CFAP161: variants seen among roughly 807,000 people sequenced by gnomAD.
CFAP161 encodes cilia- and flagella-associated protein 161.
CFAP161 carries 25 observed loss-of-function variants against 29.0 expected under a neutral mutation model. The observed-to-expected ratio is 0.86, with a 90% confidence interval of 0.63 to 1.20. The LOEUF (loss-of-function observed/expected upper bound fraction) is 1.20, where lower values mean the gene tolerates loss of function less well. Among genes scored for constraint, CFAP161 ranks in the 50% most tolerant of loss-of-function variants. The pLI, the probability that CFAP161 is intolerant of heterozygous loss-of-function variation, is 0.00. For synonymous variants in CFAP161, 116 were observed against 137.4 expected (o/e 0.84, Z 1.09); for missense variants, 367 against 371.9 (o/e 0.99, Z 0.11).
At chr15:81,133,221 ATATGTATTTT>A (rs1309267136), upstream of CFAP161, among the ~76,000 whole-genome samples, 481 of 32,470 alleles carry the variant, frequency 0.015, 28 homozygotes, top group Middle Eastern at 0.038. Flanking sequence ...ATATATATAT[ATATGTATTTT>A]TTTTTAAATT....
chr15:81,118,572 C>T (rs111240235), intron 1 of CFAP161, among the ~76,000 whole-genome samples: 4,408 of 152,316 alleles, frequency 0.029, 187 homozygotes, highest in African/African-American at 0.097. Context: ...CCGCGCTAGT[C>T]CGCGGGGGGC....
chr15:81,102,708 G>A (rs1336885184), intron 1 of CFAP161, among the ~76,000 whole-genome samples: 1 of 152,156 alleles, frequency 6.6e-6, no homozygotes, highest in Non-Finnish European at 1.5e-5. Flanking sequence ...TTATAGATAT[G>A]TGTATTTCTT....
upstream of CFAP161, among the ~76,000 whole-genome samples, chr15:81,132,558 AT>A (rs1242233212): frequency 2.0e-5 from 3 of 152,178 alleles, no homozygotes; most frequent in African/African-American, 7.2e-5. Context: ...ATTTAAAGCA[AT>A]TGTATAAAAC....
chr15:81,133,626 G>A (rs1007377864), upstream of CFAP161, among the ~76,000 whole-genome samples: 1 of 147,822 alleles, frequency 6.8e-6, no homozygotes, highest in Non-Finnish European at 1.5e-5. Flanking sequence ...GCAGAGTCTG[G>A]TTTTCTTAAG....
At chr15:81,103,487 C>CA (rs891748520) in intron 1 of CFAP161, among the ~76,000 whole-genome samples, 3 of 151,204 alleles carry the variant, frequency 2.0e-5, no homozygotes, top group African/African-American at 4.9e-5. Context: ...AAGAGGAAAA[C>CA]AAAAAAAACC....
intron 1 of CFAP161, among the ~76,000 whole-genome samples, chr15:81,104,466 G>A (rs982647163): frequency 2.6e-5 from 4 of 152,174 alleles, no homozygotes; most frequent in African/African-American, 2.4e-5. Flanking sequence ...AAGACAGCAA[G>A]TATTCCACAA....
intron 1 of CFAP161, among the ~76,000 whole-genome samples, chr15:81,126,872 T>C (rs1416278006): frequency 6.6e-6 from 1 of 152,206 alleles, no homozygotes; most frequent in Non-Finnish European, 1.5e-5. Context: ...CCATAAGTGG[T>C]GAGTTTTATC....
intron 1 of CFAP161, among the ~76,000 whole-genome samples, chr15:81,122,479 TTTTC>T (rs1053967668): frequency 1.4e-5 from 2 of 145,860 alleles, no homozygotes; most frequent in South Asian, 2.2e-4. Flanking sequence ...GTTGATTTTT[TTTTC>T]TTTCTTTCTT....
intron 1 of CFAP161, among the ~76,000 whole-genome samples, chr15:81,106,364 G>T (rs1894372720): frequency 6.6e-6 from 1 of 152,192 alleles, no homozygotes; most frequent in Non-Finnish European, 1.5e-5. Flanking sequence ...GACTGACGGG[G>T]TTTCACCGTG....
In CFAP161 at chr15:81,102,276, A is replaced by G. The variant is rs541095494; in HGVS notation, c.-141-25314A>G. ...TCTGAGAACGTATCAGGACCAGGCC[A>G]CGTTCACGTTTTCTAGGCCAGTTCC... On this transcript the variant is annotated intron_variant, in intron 1 of 4. Transcript: ENST00000560091. 1.2e-4 allele frequency among the ~76,000 whole-genome samples: 18 copies of G among 152,298 alleles called. No individual in the cohort carries two copies. In the South Asian group the frequency reaches 3.5e-3, roughly 30 times the overall value.
At chr15:81,111,852 T>C (rs1385629957) in intron 1 of CFAP161, among the ~76,000 whole-genome samples, 1 of 152,246 alleles carries the variant, frequency 6.6e-6, no homozygotes, top group Non-Finnish European at 1.5e-5. Flanking sequence ...GTTCCTTAAA[T>C]AGCAGTTTTA....
At position 81,138,053 on chromosome 15, in the gene CFAP161, T is replaced by C. The variant is rs765348041; in HGVS notation, c.395T>C (p.Val132Ala). 4.5e-5 allele frequency: 72 copies of C among 1,597,760 alleles called. No homozygotes were observed. The highest frequency in any genetic ancestry group is 5.1e-5 in the Non-Finnish European group (60 of 1,165,206). Residue 132 changes from valine (V) to alanine (A), a missense_variant and splice_region_variant, in exon 4 of 7, where the codon GTA (valine) becomes GCA (alanine). Coordinates refer to ENST00000286732, the MANE Select transcript of CFAP161 (RefSeq NM_173528.4). ...TTATACTTATTGTCCACTGACAGTG[T>C]ACACAGAGATGCCACTGGTCAAGTC... is the stretch of plus-strand genomic sequence containing the variant. ...IGRNTFIILS[V>A]HRDATGQVLR...
intron 4 of CFAP161, among the ~76,000 whole-genome samples, chr15:81,142,264 C>CT (rs76890933): frequency 0.016 from 2,363 of 149,092 alleles, 45 homozygotes; most frequent in South Asian, 0.081. Flanking sequence ...CCAGGTTGAT[C>CT]TTTTTTTTTT....
upstream of CFAP161, among the ~76,000 whole-genome samples, chr15:81,133,201 A>ATC (rs1490022542): frequency 4.8e-4 from 28 of 58,674 alleles, 1 homozygote; most frequent in African/African-American, 1.5e-3. Context: ...ATATATATAT[A>ATC]TATATATATA....
chr15:81,108,750 A>T (rs1894404914), intron 1 of CFAP161, among the ~76,000 whole-genome samples: 1 of 152,236 alleles, frequency 6.6e-6, no homozygotes, highest in Non-Finnish European at 1.5e-5. Flanking sequence ...AATAAAAAAT[A>T]TAAGCTTTAT....
At chr15:81,120,210 C>T (rs1894554577) in intron 1 of CFAP161, among the ~76,000 whole-genome samples, 1 of 152,146 alleles carries the variant, frequency 6.6e-6, no homozygotes, top group Admixed American at 6.5e-5. Context: ...ATTAATCAGA[C>T]ACATGAAGGG....
intron 4 of CFAP161, among the ~76,000 whole-genome samples, chr15:81,141,087 G>T (rs1000912710): frequency 2.6e-5 from 4 of 152,138 alleles, no homozygotes. Flanking sequence ...GTGGGGAAAA[G>T]ATTACTTGGT....
chr15:81,133,924 CTGA>C (rs1032726447), upstream of CFAP161, among the ~76,000 whole-genome samples: 30 of 115,286 alleles, frequency 2.6e-4, no homozygotes, highest in Middle Eastern at 4.1e-3. Flanking sequence ...GCTGCTGCTG[CTGA>C]TTACAAAAAA....
upstream of CFAP161, among the ~76,000 whole-genome samples, chr15:81,134,091 C>T (rs765762654): frequency 1.3e-5 from 2 of 152,340 alleles, no homozygotes; most frequent in Non-Finnish European, 2.9e-5. Context: ...GGTTTTCCCT[C>T]TCGCCCACCC....
Sources: allele counts gnomAD v4.1 joint callset (sites outside exome capture counted in the v4.1 genomes callset), GRCh38; gene constraint gnomAD v4.1.1; transcripts MANE v1.5; gene names NCBI Gene and HGNC (gene_info 2026-07-23, HGNC 2026-07-21).